The following LDLRAD4 variants were observed in gnomAD, a reference collection of about 807,000 sequenced individuals.
The protein encoded by LDLRAD4 is low-density lipoprotein receptor class A domain-containing protein 4.
Under a neutral mutation model 17.0 loss-of-function variants are expected in LDLRAD4, and 5 were observed. The observed-to-expected ratio is 0.29, with a 90% CI of 0.15 to 0.62. The LOEUF (loss-of-function observed/expected upper bound fraction) is 0.62, where lower values mean the gene tolerates loss of function less well. Among genes scored for constraint, LDLRAD4 ranks in the 20% least tolerant of loss-of-function variants. LDLRAD4 has a pLI of 0.84. For synonymous variants in LDLRAD4, 168 were observed against 171.8 expected (o/e 0.98, Z 0.17); for missense variants, 340 against 424.7 (o/e 0.80, Z 1.75).
chr18:13,273,099 A>G (rs2044658086), intron 1 of LDLRAD4, among the ~76,000 whole-genome samples: 1 of 152,230 alleles, frequency 6.6e-6, no homozygotes, highest in South Asian at 2.1e-4. Context: ...CCCTGATGCA[A>G]AAATCAGGTG....
rs1213996569 is a variant in LDLRAD4, at chr18:13,645,422, G to T, written c.686G>T (p.Cys229Phe). Reference sequence around the variant, plus strand: ...ATTGCTATGTATAGCGGGGGTCCATGCCCACCCAGCAGCAACTCGGGCATC... The same window carrying T: ...ATTGCTATGTATAGCGGGGGTCCATTCCCACCCAGCAGCAACTCGGGCATC... The change falls in exon 6 of 6, where the codon TGC becomes TTC. Residue 229 changes from cysteine (C) to phenylalanine (F), a missense_variant. Cys to Phe is a radical substitution (Grantham distance 205). Transcript: ENST00000359446. This position sits in a 1 kb window ranked among gnomAD's most constrained non-coding sequence, Gnocchi z 5.7. 1.2e-6 allele frequency: 2 copies of T among 1,614,040 alleles called. No individual in the cohort carries two copies. The highest frequency in any genetic ancestry group is 2.2e-5 in the East Asian group (1 of 44,906).
chr18:13,626,744 G>C (rs1219635788), intron 4 of LDLRAD4, among the ~76,000 whole-genome samples: 1 of 152,256 alleles, frequency 6.6e-6, no homozygotes, highest in East Asian at 1.9e-4. Context: ...GGCTCCTCCA[G>C]CTCCCTGGGG....
intron 3 of LDLRAD4, among the ~76,000 whole-genome samples, chr18:13,505,844 A>AAAAAC (rs2093683749): frequency 7.6e-6 from 1 of 131,410 alleles, no homozygotes; most frequent in African/African-American, 3.4e-5. Flanking sequence ...AAACAAAAAC[A>AAAAAC]AAACACTAGC....
At chr18:13,346,027 C>T (rs2082665859) in intron 1 of LDLRAD4, among the ~76,000 whole-genome samples, 1 of 152,160 alleles carries the variant, frequency 6.6e-6, no homozygotes, top group African/African-American at 2.4e-5. Flanking sequence ...TTTCAAAAAA[C>T]CAGCTCCTGG....
At chr18:13,456,428 A>G (rs1347685417) in intron 3 of LDLRAD4, among the ~76,000 whole-genome samples, 1 of 152,198 alleles carries the variant, frequency 6.6e-6, no homozygotes, top group Admixed American at 6.5e-5. Flanking sequence ...GCGTCACGCT[A>G]TCCAGGCCCT....
rs2040613188 is a variant in LDLRAD4, at chr18:13,621,367, A to G, written c.336+96A>G. 1.0e-6 allele frequency: 1 copy of G among 955,712 alleles called. No individual in the cohort carries two copies. The highest frequency in any genetic ancestry group is 1.6e-5 in the African/African-American group (1 of 62,192). 59.2% of individuals were successfully genotyped at this position (955,712 alleles called of 1,614,324 possible). A position where few individuals can be genotyped will look rare whatever the true frequency, so the allele number is the denominator to read the frequency against. On this transcript the variant is annotated intron_variant, in intron 4 of 5. Coordinates refer to ENST00000359446, the Ensembl canonical transcript of LDLRAD4. This position sits in a 1 kb window ranked among gnomAD's most constrained non-coding sequence, Gnocchi z 5.5. ...GAGGCCGGGAGTGCTTTCAGTTGAC[A>G]TGTAACAAACGGGGCGAAGCGCACC...
chr18:13,321,271 C>T (rs1021884653), intron 1 of LDLRAD4, among the ~76,000 whole-genome samples: 6 of 152,178 alleles, frequency 3.9e-5, no homozygotes, highest in Middle Eastern at 3.2e-3. Flanking sequence ...TTTGGCTGCC[C>T]GGCCAGGTTC....
At chr18:13,544,897 T>C (rs1032322720) in intron 3 of LDLRAD4, among the ~76,000 whole-genome samples, 2 of 151,578 alleles carry the variant, frequency 1.3e-5, no homozygotes, top group Non-Finnish European at 1.5e-5. Flanking sequence ...TTTTTTTTTT[T>C]TTTTTTTTTT....
intron 1 of LDLRAD4, among the ~76,000 whole-genome samples, chr18:13,296,541 G>A (rs1464019270): frequency 2.0e-5 from 3 of 150,772 alleles, no homozygotes; most frequent in Admixed American, 6.6e-5. Flanking sequence ...CACCAGCCCC[G>A]TCAGATTAGG....
chr18:13,416,818 T>G (rs1320752523), intron 2 of LDLRAD4, among the ~76,000 whole-genome samples: 1 of 152,220 alleles, frequency 6.6e-6, no homozygotes, highest in African/African-American at 2.4e-5. Flanking sequence ...AAAACACTTA[T>G]GAAAATAGAA....
chr18:13,390,124 T>G (rs929181518), intron 2 of LDLRAD4, among the ~76,000 whole-genome samples: 14 of 152,346 alleles, frequency 9.2e-5, no homozygotes, highest in African/African-American at 3.4e-4. Flanking sequence ...TATCATTTCT[T>G]TGTGCTGAGA....
At chr18:13,289,207 A>T (rs1238220430) in intron 1 of LDLRAD4, among the ~76,000 whole-genome samples, 1 of 152,222 alleles carries the variant, frequency 6.6e-6, no homozygotes, top group Non-Finnish European at 1.5e-5. Context: ...TCTGAGTTCT[A>T]AAAGTAAAAT....
intron 2 of LDLRAD4, among the ~76,000 whole-genome samples, chr18:13,415,373 GT>G (rs1340635500): frequency 6.6e-6 from 1 of 152,192 alleles, no homozygotes; most frequent in East Asian, 1.9e-4. Flanking sequence ...CGAGGCTTGC[GT>G]GCCTGTGTCT....
chr18:13,228,803 A>AT (rs1023348164), intron 1 of LDLRAD4, among the ~76,000 whole-genome samples: 19 of 152,298 alleles, frequency 1.2e-4, no homozygotes, highest in African/African-American at 4.6e-4. Context: ...GGGATTTTGC[A>AT]TTTTTTCATC....
chr18:13,552,074 AC>A (rs2094440081), intron 3 of LDLRAD4, among the ~76,000 whole-genome samples: 1 of 151,626 alleles, frequency 6.6e-6, no homozygotes, highest in Non-Finnish European at 1.5e-5. Context: ...TGACCCAGAC[AC>A]CCCCCACTAG....
At chr18:13,570,802 CCCTTT>C (rs1376579282) in intron 3 of LDLRAD4, among the ~76,000 whole-genome samples, 1 of 152,018 alleles carries the variant, frequency 6.6e-6, no homozygotes, top group Non-Finnish European at 1.5e-5. Context: ...TTCCTTCCTT[CCCTTT>C]CATTTATTTC....
intron 1 of LDLRAD4, among the ~76,000 whole-genome samples, chr18:13,310,232 C>G (rs1258550024): frequency 1.3e-5 from 2 of 150,392 alleles, no homozygotes; most frequent in Non-Finnish European, 3.0e-5. Context: ...CACCTGTTGT[C>G]CTAGACACTT....
At chr18:13,226,036 A>T (rs1299540883) in intron 1 of LDLRAD4, among the ~76,000 whole-genome samples, 7 of 152,000 alleles carry the variant, frequency 4.6e-5, no homozygotes, top group African/African-American at 1.7e-4. Flanking sequence ...ATTTAAAAAA[A>T]TGGAGATGGG....
At chr18:13,545,860 T>C (rs1047950017) in intron 3 of LDLRAD4, among the ~76,000 whole-genome samples, 1 of 152,146 alleles carries the variant, frequency 6.6e-6, no homozygotes, top group Non-Finnish European at 1.5e-5. Flanking sequence ...GGATGGAGGC[T>C]GGGAAGGACC....
Sources: allele counts gnomAD v4.1 joint callset (sites outside exome capture counted in the v4.1 genomes callset), GRCh38; gene constraint gnomAD v4.1.1; non-coding constraint Gnocchi (gnomAD v3.1); transcripts MANE v1.5; gene names NCBI Gene and HGNC (gene_info 2026-07-23, HGNC 2026-07-21).